Variants in DNAH5 observed in about 807,000 individuals in gnomAD.
DNAH5 encodes axonemal beta dynein heavy chain 5.
A neutral mutation model predicts 518.2 loss-of-function variants in DNAH5; 372 were observed. The ratio of observed to expected loss-of-function variants is 0.72; its 90% CI spans 0.66 to 0.78. The LOEUF is 0.78. DNAH5 is among the 30% of genes least tolerant of loss of function. The pLI is 0.00. For missense variants in DNAH5, 5,523 were observed against 5,687.0 expected, an observed-to-expected ratio of 0.97 and a Z score of 0.93; for synonymous variants, 2,039 against 2,025.9, an observed-to-expected ratio of 1.01 and a Z score of -0.17.
chr5:13,766,158 C>T lies in DNAH5; in HGVS notation c.9919G>A (p.Ala3307Thr), dbSNP rs757212818. The T allele has an allele frequency of 2.2e-5, 36 of 1,614,016 alleles. No individual in the cohort carries two copies. The highest frequency in any genetic ancestry group is 9.3e-5 in the African/African-American group (7 of 74,928). Residue 3307 changes from alanine (A) to threonine (T), a missense_variant, in exon 59 of 79, where the codon GCC (alanine) becomes ACC (threonine). Coordinates refer to ENST00000265104, the MANE Select transcript of DNAH5 (RefSeq NM_001369.3). ...GGGCGGCCCAACGTGCGAACAGTGG[C>T]GATGTCCGAAGGCCTGATGGTCTGG... ...ALQTIRPSDI[A>T]TVRTLGRPPH...
At chr5:13,804,375 T>C (rs1257238394) in intron 47 of DNAH5, among the ~76,000 whole-genome samples, 2 of 152,328 alleles carry the variant, frequency 1.3e-5, no homozygotes, top group East Asian at 1.9e-4. Context: ...CAGTGTGCCA[T>C]CTTGGTAACA....
intron 11 of DNAH5, among the ~76,000 whole-genome samples, chr5:13,913,138 A>T (rs1276189993): frequency 6.6e-6 from 1 of 152,100 alleles, no homozygotes; most frequent in Non-Finnish European, 1.5e-5. Context: ...CTATGTCCAT[A>T]TTAAGAATTT....
At chr5:13,871,422 A>C (rs1260290623) in intron 23 of DNAH5, 142 bp downstream of exon 23, 1 of 740,816 alleles carries the variant, frequency 1.3e-6, no homozygotes. Context: ...AATTTTTTAA[A>C]AATCCACAAA....
chr5:13,762,794 T>C lies in DNAH5; in HGVS notation c.10209A>G (p.Val3403=), dbSNP rs767967816. Residue 3403 remains valine (V), a synonymous_variant, in exon 60 of 79, where the codon GTA becomes GTG. Transcript: ENST00000265104. ...CTTTCGTCCAGGAACAAAGACCAGC[T>C]ACATTTCCACATACGCGTTTAGCAG... ...IETAKRVCGN[V]AGLCSWTKAM... is the part of the protein sequence containing the mutation. The C allele has an allele frequency of 1.9e-6, 3 of 1,614,080 alleles. No homozygotes were observed. Among genetic ancestry groups the C allele is most frequent in the Non-Finnish European group, 1.7e-6 (2 of 1,180,012 alleles).
chr5:13,780,468 T>C (rs1754926847), intron 53 of DNAH5, among the ~76,000 whole-genome samples: 1 of 152,236 alleles, frequency 6.6e-6, no homozygotes, highest in African/African-American at 2.4e-5. Context: ...TAAACCAATA[T>C]AAAATCTTCA....
intron 59 of DNAH5, among the ~76,000 whole-genome samples, chr5:13,763,751 G>T (rs1752098195): frequency 6.6e-6 from 1 of 152,180 alleles, no homozygotes; most frequent in African/African-American, 2.4e-5. Flanking sequence ...TATGAGACTT[G>T]AAAAATTGTA....
intron 1 of DNAH5, among the ~76,000 whole-genome samples, chr5:13,951,218 T>G (rs1780379361): frequency 1.5e-5 from 2 of 129,224 alleles, no homozygotes; most frequent in Admixed American, 7.9e-5. Context: ...GTTTTTTTTT[T>G]TTTTTTTTTT....
chr5:13,740,959 A>T (rs1748435840), intron 65 of DNAH5, among the ~76,000 whole-genome samples: 1 of 152,186 alleles, frequency 6.6e-6, no homozygotes, highest in East Asian at 1.9e-4. Context: ...TATTTTGTTC[A>T]TTGATAAATT....
intron 74 of DNAH5, 39 bp downstream of exon 74, chr5:13,716,448 G>T: frequency 2.7e-6 from 4 of 1,464,170 alleles, no homozygotes; most frequent in Non-Finnish European, 3.8e-6. Flanking sequence ...AGTGGCTACA[G>T]ATATTTGCTC....
intron 1 of DNAH5, among the ~76,000 whole-genome samples, chr5:13,994,184 C>G (rs1273945459): frequency 6.6e-6 from 1 of 152,172 alleles, no homozygotes; most frequent in Non-Finnish European, 1.5e-5. Flanking sequence ...CCGGCTGGCC[C>G]TAAGATGGTG....
In DNAH5 at chr5:13,890,997, T is replaced by C. The variant is rs1460367490; in HGVS notation, c.2556A>G (p.Glu852=). 3 of 1,614,048 alleles carry C rather than the reference T, an allele frequency of 1.9e-6. No homozygotes were observed. Among genetic ancestry groups the C allele is most frequent in the Non-Finnish European group, 2.5e-6 (3 of 1,180,006 alleles). The change falls in exon 17 of 79, where the codon GAA becomes GAG. Residue 852 remains glutamate, a synonymous_variant. Transcript: ENST00000265104. ...QLPQEEPLTC[E]EFLQMTKDLC... is the part of the protein sequence containing the mutation. ...TGACCTTTGTCATTTGGAGAAACTCTTCACAGGTTAGTGGCTCCTCCTGGG... is the reference window on the plus strand; with the variant it reads ...TGACCTTTGTCATTTGGAGAAACTCCTCACAGGTTAGTGGCTCCTCCTGGG...
At chr5:13,818,788 G>C (rs1761831940) in intron 41 of DNAH5, among the ~76,000 whole-genome samples, 1 of 152,182 alleles carries the variant, frequency 6.6e-6, no homozygotes, top group Non-Finnish European at 1.5e-5. Flanking sequence ...AAAGACACTT[G>C]ATGAGATATA....
chr5:14,000,372 T>C (rs1784269838), intron 1 of DNAH5, among the ~76,000 whole-genome samples: 1 of 152,224 alleles, frequency 6.6e-6, no homozygotes, highest in Admixed American at 6.5e-5. Context: ...AACACCTGGA[T>C]TTCAGCTCCC....
chr5:13,841,547 T>A, intron 33 of DNAH5, 145 bp downstream of exon 33: 2 of 664,988 alleles, frequency 3.0e-6, no homozygotes, highest in Non-Finnish European at 5.2e-6. Flanking sequence ...ATCTGAAAGG[T>A]TAAGTATATT....
intron 22 of DNAH5, among the ~76,000 whole-genome samples, chr5:13,874,357 T>C (rs1461507409): frequency 1.3e-5 from 2 of 152,220 alleles, no homozygotes; most frequent in East Asian, 3.8e-4. Flanking sequence ...GGGTATTCTT[T>C]TAAAGTGTCT....
chr5:13,771,342 T>G (rs1753312130), intron 55 of DNAH5: 1 of 282,750 alleles, frequency 3.5e-6, no homozygotes, highest in Admixed American at 4.9e-5. Flanking sequence ...CACCTGGTAC[T>G]CATATTTAAC....
intron 30 of DNAH5, among the ~76,000 whole-genome samples, chr5:13,852,530 C>G (rs57555346): frequency 0.38 from 57,146 of 151,910 alleles, 11,021 homozygotes; most frequent in South Asian, 0.47. Context: ...ACCATTCACT[C>G]CCCTGGAAAG....
In DNAH5 at chr5:13,829,824, G is replaced by A. The variant is rs16902790; in HGVS notation, c.6250-120C>T. On this transcript the variant is annotated intron_variant, in intron 37 of 78. Coordinates refer to ENST00000265104, the MANE Select transcript of DNAH5 (RefSeq NM_001369.3). ...AATGACAACCAGGGAACTCATTTAC[G>A]TATCTCAATCTCGTTTTACCTGGAC... is the stretch of plus-strand genomic sequence containing the variant. The A allele has an allele frequency of 0.38, 438,790 of 1,150,042 alleles. 86,641 individuals are homozygous for A. Among genetic ancestry groups the A allele is most frequent in the East Asian group, 0.56 (22,777 of 40,320 alleles). 71.2% of individuals were successfully genotyped at this position (1,150,042 alleles called of 1,614,324 possible).
In DNAH5 at chr5:13,917,121, A is replaced by G. The variant is rs200692156; in HGVS notation, c.1089+22T>C. On this transcript the variant is annotated intron_variant, in intron 8 of 78. Transcript: ENST00000265104. ...CAAAAAGGGTTATCTATAGACTGAA[A>G]GAGTAGAAATCCTTAACTCACGGGA... is the stretch of plus-strand genomic sequence containing the variant. 1.0e-3 allele frequency: 1,593 copies of G among 1,561,134 alleles called. 3 individuals are homozygous for G. The highest frequency in any genetic ancestry group is 1.8e-3 in the South Asian group (165 of 90,012).
Sources: allele counts gnomAD v4.1 joint callset (sites outside exome capture counted in the v4.1 genomes callset), GRCh38; gene constraint gnomAD v4.1.1; transcripts MANE v1.5; gene names NCBI Gene and HGNC (gene_info 2026-07-23, HGNC 2026-07-21).